MTMR2: variants seen among roughly 807,000 people sequenced by gnomAD.
MTMR2 encodes the protein myotubularin related protein 2.
Under a neutral mutation model 86.9 loss-of-function variants are expected in MTMR2, and 55 were observed. The ratio of observed to expected loss-of-function variants is 0.63; its 90% CI spans 0.51 to 0.79. The LOEUF is 0.79. MTMR2 is among the 30% of genes least tolerant of loss of function. The pLI, the probability that MTMR2 is intolerant of heterozygous loss-of-function variation, is 0.00. For missense variants in MTMR2, 659 were observed against 772.3 expected (o/e 0.85, Z 1.74); for synonymous variants, 241 against 266.8 (o/e 0.90, Z 0.94).
Position 95,862,112 on chromosome 11 carries a change from G to A in MTMR2, c.358-10C>T, listed in dbSNP as rs200148660. On this transcript the variant is annotated splice_polypyrimidine_tract_variant and intron_variant, in intron 4 of 14. Coordinates refer to ENST00000346299, the MANE Select transcript of MTMR2 (RefSeq NM_016156.6). Reference sequence around the variant, plus strand: ...AAACAAATGGGGGATCCTAAAGAAGGAAAGAAAAAATAATTAAAACTGAGC... The same window carrying A: ...AAACAAATGGGGGATCCTAAAGAAGAAAAGAAAAAATAATTAAAACTGAGC... 1 of 1,606,166 alleles carries A rather than the reference G, an allele frequency of 6.2e-7. No homozygotes were observed. Among genetic ancestry groups the A allele is most frequent in the East Asian group, 2.2e-5 (1 of 44,756 alleles).
chr11:95,852,756 G>T (rs972414373), intron 7 of MTMR2, among the ~76,000 whole-genome samples: 1 of 152,072 alleles, frequency 6.6e-6, no homozygotes, highest in Admixed American at 6.6e-5. Context: ...TTCACGTGCT[G>T]GCCGGGCACG....
chr11:95,923,858 C>A lies in MTMR2; in HGVS notation c.80+17G>T, dbSNP rs764174228. On this transcript the variant is annotated intron_variant, in intron 1 of 14. Transcript: ENST00000346299. ...TCCCCTTCGGACGCTGGGCGGGGCC[C>A]TGGGCGTCCTGGTTACCTGGACAAG... 23 of 1,537,716 alleles carry A rather than the reference C, an allele frequency of 1.5e-5. No individual in the cohort carries two copies. The highest frequency in any genetic ancestry group is 2.0e-5 in the Non-Finnish European group (23 of 1,138,126).
At chr11:95,846,077 C>T (rs939598214) in intron 10 of MTMR2, among the ~76,000 whole-genome samples, 4 of 152,078 alleles carry the variant, frequency 2.6e-5, no homozygotes, top group African/African-American at 7.2e-5. Context: ...GGTACTATGA[C>T]GATCTTGACT....
intron 1 of MTMR2, among the ~76,000 whole-genome samples, chr11:95,889,229 G>A (rs1027670298): frequency 2.0e-5 from 3 of 151,672 alleles, no homozygotes; most frequent in Admixed American, 2.0e-4. Context: ...CGCCTCCCAG[G>A]TTCAAGCGAT....
intron 2 of MTMR2, among the ~76,000 whole-genome samples, chr11:95,885,315 TA>T (rs1311367591): frequency 2.0e-5 from 3 of 151,806 alleles, no homozygotes; most frequent in East Asian, 1.9e-4. Flanking sequence ...TTTTCTTTTG[TA>T]AAAAAAATAA....
chr11:95,858,360 T>C (rs1864285232), intron 6 of MTMR2, among the ~76,000 whole-genome samples, 171 bp downstream of exon 6: 2 of 152,196 alleles, frequency 1.3e-5, no homozygotes, highest in African/African-American at 4.8e-5. Context: ...GCTTCCTTTA[T>C]TTCATACCTA....
intron 1 of MTMR2, among the ~76,000 whole-genome samples, chr11:95,912,014 C>A (rs548607248): frequency 1.7e-4 from 26 of 151,676 alleles, no homozygotes; most frequent in African/African-American, 5.8e-4. Flanking sequence ...TCTTTCACTA[C>A]CCTTTCAATG....
At chr11:95,876,829 CTCTT>C (rs1410458981) in intron 2 of MTMR2, among the ~76,000 whole-genome samples, 2 of 152,070 alleles carry the variant, frequency 1.3e-5, no homozygotes, top group Non-Finnish European at 2.9e-5. Flanking sequence ...CTCTCCCTCT[CTCTT>C]TCTCACACAC....
At chr11:95,878,784 A>G (rs1299458110) in intron 2 of MTMR2, among the ~76,000 whole-genome samples, 3 of 152,080 alleles carry the variant, frequency 2.0e-5, no homozygotes, top group Non-Finnish European at 2.9e-5. Context: ...TTTCCAATAA[A>G]TGATGGTTCA....
intron 1 of MTMR2, among the ~76,000 whole-genome samples, chr11:95,889,509 C>CT (rs1231225299): frequency 2.4e-5 from 3 of 123,118 alleles, no homozygotes; most frequent in Non-Finnish European, 4.9e-5. Context: ...AAAATTATGT[C>CT]TTTTTTGGGG....
At position 95,857,638 on chromosome 11, in the gene MTMR2, A is replaced by C; in HGVS notation, c.571-3T>G. On this transcript the variant is annotated splice_polypyrimidine_tract_variant and splice_region_variant and intron_variant, in intron 6 of 14. Coordinates refer to ENST00000346299, the MANE Select transcript of MTMR2 (RefSeq NM_016156.6). The stretch of plus-strand genomic sequence containing the variant: ...TTGTATTCAAAAGCAAAAAGAGGCT[A>C]CAAAAAAGTAAACAATGGTAAGAGC... 6.3e-7 allele frequency: 1 copy of C among 1,579,712 alleles called. No homozygotes were observed.
At chr11:95,914,113 G>T in intron 1 of MTMR2, 1 of 841,608 alleles carries the variant, frequency 1.2e-6, no homozygotes, top group Non-Finnish European at 1.4e-6. Flanking sequence ...CTTGGAAATG[G>T]AACTGAAGTT....
At chr11:95,917,973 C>T (rs916601105) in intron 1 of MTMR2, among the ~76,000 whole-genome samples, 2 of 152,152 alleles carry the variant, frequency 1.3e-5, no homozygotes, top group Admixed American at 6.5e-5. Context: ...AAGCCTAAAA[C>T]GCATATTCTT....
intron 1 of MTMR2, among the ~76,000 whole-genome samples, chr11:95,894,833 A>T (rs987651028): frequency 6.6e-6 from 1 of 152,196 alleles, no homozygotes; most frequent in Non-Finnish European, 1.5e-5. Flanking sequence ...AAGAGGGTAC[A>T]TGATTACATC....
intron 1 of MTMR2, among the ~76,000 whole-genome samples, chr11:95,908,301 CAAT>C (rs1184093930): frequency 6.6e-6 from 1 of 151,934 alleles, no homozygotes; most frequent in Non-Finnish European, 1.5e-5. Context: ...AAGATCTCTA[CAAT>C]AAGAATTACA....
chr11:95,914,843 C>T (rs1866641851), intron 1 of MTMR2, among the ~76,000 whole-genome samples: 1 of 152,076 alleles, frequency 6.6e-6, no homozygotes, highest in African/African-American at 2.4e-5. Context: ...GACTTGAATT[C>T]ACATGTCAAG....
At chr11:95,916,785 G>C (rs191680585) in intron 1 of MTMR2, among the ~76,000 whole-genome samples, 1 of 152,206 alleles carries the variant, frequency 6.6e-6, no homozygotes, top group Admixed American at 6.5e-5. Context: ...TATTTAAAGA[G>C]CCCAAGAGTT....
intron 2 of MTMR2, 142 bp from the exon 3 acceptor site, chr11:95,865,818 G>A (rs768347539): frequency 2.8e-6 from 2 of 708,454 alleles, no homozygotes; most frequent in Non-Finnish European, 4.9e-6. Flanking sequence ...TTAAACTGTA[G>A]TGTTGGCATG....
intron 2 of MTMR2, among the ~76,000 whole-genome samples, chr11:95,872,620 G>A (rs1342547737): frequency 2.0e-5 from 3 of 152,070 alleles, no homozygotes; most frequent in Non-Finnish European, 2.9e-5. Flanking sequence ...TCTCCTGCCT[G>A]ATTGCCCTGG....
Sources: allele counts gnomAD v4.1 joint callset (sites outside exome capture counted in the v4.1 genomes callset), GRCh38; gene constraint gnomAD v4.1.1; transcripts MANE v1.5; gene names NCBI Gene and HGNC (gene_info 2026-07-23, HGNC 2026-07-21).